GBE1: variants seen among roughly 807,000 people sequenced by gnomAD.
The protein encoded by GBE1 is 1,4-alpha-glucan branching enzyme 1.
In GBE1, 70 loss-of-function variants were observed where a neutral mutation model predicts 88.8. The ratio of observed to expected loss-of-function variants is 0.79; its 90% CI spans 0.65 to 0.96. The LOEUF (loss-of-function observed/expected upper bound fraction) is 0.96, where lower values mean the gene tolerates loss of function less well. Among genes scored for constraint, GBE1 ranks in the 40% least tolerant of loss-of-function variants. The pLI, the probability that GBE1 is intolerant of heterozygous loss-of-function variation, is 0.00. For missense variants in GBE1, 872 were observed against 871.0 expected (o/e 1.00, Z -0.01); for synonymous variants, 284 against 300.1 (o/e 0.95, Z 0.56).
intron 14 of GBE1, among the ~76,000 whole-genome samples, chr3:81,502,720 G>T (rs62265398): frequency 0.037 from 5,618 of 152,030 alleles, 139 homozygotes; most frequent in Non-Finnish European, 0.058. Context: ...TCTCACTTGG[G>T]TACTCCCTCA....
In GBE1 at chr3:81,664,102, G is replaced by T. The variant is rs184289895; in HGVS notation, c.429+6736C>A. Among the ~76,000 whole-genome samples the T allele has an allele frequency of 2.0e-5, 3 of 152,222 alleles. No homozygotes were observed. The East Asian group carries it at 5.8e-4, about 29-fold the overall frequency. On this transcript the variant is annotated intron_variant, in intron 3 of 15. Coordinates refer to ENST00000429644, the MANE Select transcript of GBE1 (RefSeq NM_000158.4). ...TATAAGCAGAGTTTATTACAGTTAT[G>T]CAAAAAGACACAGAAGTTGGCAATA...
intron 10 of GBE1, among the ~76,000 whole-genome samples, chr3:81,585,486 T>C (rs1450408356): frequency 1.3e-5 from 2 of 152,070 alleles, no homozygotes; most frequent in Admixed American, 6.6e-5. Context: ...ATAATGACTT[T>C]AGTCCTTTAG....
chr3:81,605,005 C>CA (rs1045695783), intron 7 of GBE1, among the ~76,000 whole-genome samples: 2 of 149,214 alleles, frequency 1.3e-5, no homozygotes, highest in African/African-American at 2.5e-5. Context: ...TTTTTTAAAT[C>CA]AAAAAAAAAT....
intron 7 of GBE1, among the ~76,000 whole-genome samples, chr3:81,608,174 T>C (rs1704128415): frequency 6.6e-6 from 1 of 152,180 alleles, no homozygotes; most frequent in Non-Finnish European, 1.5e-5. Context: ...AGTGTTCAAC[T>C]TTCCTATGCT....
chr3:81,658,123 A>C (rs1012599772), intron 3 of GBE1, among the ~76,000 whole-genome samples: 2 of 151,928 alleles, frequency 1.3e-5, no homozygotes, highest in African/African-American at 4.8e-5. Flanking sequence ...TTTTTTCTTT[A>C]ATAAAAAACA....
At chr3:81,726,350 T>G (rs1301173546) in intron 1 of GBE1, among the ~76,000 whole-genome samples, 1 of 152,130 alleles carries the variant, frequency 6.6e-6, no homozygotes. Context: ...AGCGTGGTTT[T>G]GAGAATGTTG....
At chr3:81,506,348 AAG>A (rs1257870843) in intron 14 of GBE1, among the ~76,000 whole-genome samples, 1 of 152,152 alleles carries the variant, frequency 6.6e-6, no homozygotes, top group Admixed American at 6.5e-5. Context: ...CAAAACTACA[AAG>A]AGACACCATC....
intron 14 of GBE1, among the ~76,000 whole-genome samples, chr3:81,507,672 G>A (rs1702672439): frequency 1.4e-5 from 2 of 146,332 alleles, no homozygotes; most frequent in Non-Finnish European, 3.0e-5. Flanking sequence ...ATATATGTGT[G>A]TGTGTATATA....
chr3:81,545,183 C>T (rs912600547), intron 12 of GBE1, among the ~76,000 whole-genome samples: 2 of 151,850 alleles, frequency 1.3e-5, no homozygotes, highest in South Asian at 4.2e-4. Context: ...GTGTGAGGCA[C>T]AGCACAAAGC....
chr3:81,639,664 G>T (rs1704643299), intron 7 of GBE1, among the ~76,000 whole-genome samples: 1 of 152,138 alleles, frequency 6.6e-6, no homozygotes, highest in Non-Finnish European at 1.5e-5. Flanking sequence ...ACTCTGCCAT[G>T]TTCTAAACCC....
At chr3:81,708,105 A>G (rs745699839) in intron 1 of GBE1, among the ~76,000 whole-genome samples, 2 of 152,048 alleles carry the variant, frequency 1.3e-5, no homozygotes, top group Non-Finnish European at 2.9e-5. Context: ...TAGGAATTTT[A>G]CTGAGTATGT....
At chr3:81,541,568 A>G (rs1399309590) in intron 12 of GBE1, among the ~76,000 whole-genome samples, 1 of 151,848 alleles carries the variant, frequency 6.6e-6, no homozygotes, top group Admixed American at 6.6e-5. Flanking sequence ...CCTCATGAAC[A>G]GGATTAATGT....
Position 81,594,005 on chromosome 3 carries a change from G to T in GBE1, c.1011C>A (p.Phe337Leu). The T allele has an allele frequency of 1.3e-6, 2 of 1,557,998 alleles. No individual in the cohort carries two copies. The highest frequency in any genetic ancestry group is 2.3e-5 in the East Asian group (1 of 43,348). ...FAYSSWEILR[F>L]LLSNIRWWLE... ...ACCACCATCTTATGTTTGACAGAAG[G>T]AATCTTAAAATTTCCCAGCTAAAAT... The change falls in exon 8 of 16, where the codon TTC becomes TTA. Residue 337 changes from phenylalanine to leucine, a missense_variant. Transcript: ENST00000429644.
chr3:81,738,218 T>C (rs1328366411), intron 1 of GBE1, among the ~76,000 whole-genome samples: 2 of 151,700 alleles, frequency 1.3e-5, no homozygotes, highest in African/African-American at 4.9e-5. Context: ...AACATACGTG[T>C]GCATGTGTCT....
chr3:81,538,715 G>A (rs1481890587), intron 12 of GBE1, among the ~76,000 whole-genome samples: 1 of 151,934 alleles, frequency 6.6e-6, no homozygotes, highest in Non-Finnish European at 1.5e-5. Flanking sequence ...GATAATGAAG[G>A]GATTTCCAGT....
intron 15 of GBE1, among the ~76,000 whole-genome samples, chr3:81,491,435 TA>T (rs1278051778): frequency 2.0e-5 from 3 of 152,162 alleles, no homozygotes; most frequent in Admixed American, 1.3e-4. Flanking sequence ...ATGACTGAAT[TA>T]AAAAAATGAA....
chr3:81,638,144 TATG>T (rs1424806121), intron 7 of GBE1, among the ~76,000 whole-genome samples: 1 of 152,122 alleles, frequency 6.6e-6, no homozygotes, highest in Admixed American at 6.6e-5. Flanking sequence ...TCTACATACT[TATG>T]ACCCTAAAAA....
chr3:81,575,731 C>T (rs1187462918), intron 12 of GBE1, among the ~76,000 whole-genome samples: 1 of 151,986 alleles, frequency 6.6e-6, no homozygotes, highest in Non-Finnish European at 1.5e-5. Context: ...TTTCTATATG[C>T]CATTAGAAAA....
At chr3:81,680,934 A>C (rs1705332037) in intron 2 of GBE1, among the ~76,000 whole-genome samples, 1 of 152,196 alleles carries the variant, frequency 6.6e-6, no homozygotes, top group African/African-American at 2.4e-5. Context: ...GAACTGCAAG[A>C]AATAAACGTC....
Sources: allele counts gnomAD v4.1 joint callset (sites outside exome capture counted in the v4.1 genomes callset), GRCh38; gene constraint gnomAD v4.1.1; transcripts MANE v1.5; gene names NCBI Gene and HGNC (gene_info 2026-07-23, HGNC 2026-07-21).